Variants in SEPTIN4 observed in about 807,000 individuals in gnomAD.
SEPTIN4 encodes the protein septin 4.
In SEPTIN4, 52 loss-of-function variants were observed where a neutral mutation model predicts 107.1. The observed-to-expected ratio is 0.49, with a 90% CI of 0.39 to 0.61. The LOEUF (loss-of-function observed/expected upper bound fraction) is 0.61. Ranked by LOEUF, SEPTIN4 falls within the 20% of genes least tolerant of loss-of-function variation. The pLI, the probability that SEPTIN4 is intolerant of heterozygous loss-of-function variation, is 0.00. For synonymous variants in SEPTIN4, 417 were observed against 467.0 expected, an observed-to-expected ratio of 0.89 and a Z score of 1.38; for missense variants, 1,048 against 1,243.5, an observed-to-expected ratio of 0.84 and a Z score of 2.36.
At position 58,525,710 on chromosome 17, in the gene SEPTIN4, G is replaced by T; in HGVS notation, c.2077C>A (p.Leu693Ile). Reference protein sequence around the residue: ...FLTDLYRDRKLLGAEERIMQT... With the variant: ...FLTDLYRDRKILGAEERIMQT... ...CTTTCCTTACCTTCAGCACCAAGAA[G>T]TTTCCGGTCCCGGTACAGATCAGTG... The change falls in exon 6 of 14, where the codon CTT becomes ATT. Residue 693 changes from leucine to isoleucine, a missense_variant. This residue lies in a region of SEPTIN4 where 787 missense variants were observed against 871.8 expected (regional missense o/e 0.90). Transcript: ENST00000672673. 6.2e-7 allele frequency: 1 copy of T among 1,614,116 alleles called. No homozygotes were observed. Among genetic ancestry groups the T allele is most frequent in the Non-Finnish European group, 8.5e-7 (1 of 1,179,972 alleles).
chr17:58,531,924 C>T, intron 3 of SEPTIN4: 1 of 1,139,200 alleles, frequency 8.8e-7, no homozygotes, highest in Non-Finnish European at 1.1e-6. Context: ...GCACCCCAGC[C>T]CTGCCCCGCG....
At chr17:58,539,244 GA>G in intron 3 of SEPTIN4, 1 of 1,396,220 alleles carries the variant, frequency 7.2e-7, no homozygotes. Context: ...GCTATTTTAG[GA>G]AGGAGCCACC....
intron 2 of SEPTIN4, among the ~76,000 whole-genome samples, chr17:58,541,402 C>G (rs2043871722): frequency 6.6e-6 from 1 of 152,174 alleles, no homozygotes; most frequent in Non-Finnish European, 1.5e-5. Context: ...GATTCTAGAG[C>G]TGCAAGACAC....
chr17:58,526,800 G>C lies in SEPTIN4; in HGVS notation c.1793C>G (p.Pro598Arg). 3.7e-6 allele frequency: 6 copies of C among 1,613,730 alleles called. No homozygotes were observed. The highest frequency in any genetic ancestry group is 5.1e-6 in the Non-Finnish European group (6 of 1,179,898). ...GTCAGAGGACTGGGGCCGCGAGGGG[G>C]GTCTGAACTCCAGGTCATCATCATA... ...DLYDDDLEFR[P>R]PSRPQSSDNQ... The change falls in exon 4 of 14, where the codon CCC (proline) becomes CGC (arginine). Residue 598 changes from proline (P) to arginine (R), a missense_variant. By Grantham distance (103) the Pro-to-Arg change is moderately radical (BLOSUM62 -2). Transcript: ENST00000672673.
rs113227839 is a variant in SEPTIN4 at position 58,520,845 on chromosome 17, A to G, written c.2832-3T>C. The G allele has an allele frequency of 6.3e-6, 10 of 1,589,672 alleles. No individual in the cohort carries two copies. The African/African-American group carries it at 1.4e-4, about 23-fold the overall frequency. ...TACCACTTTCCCGAGTCAGTTTGCT[A>G]AAGGGAGAAAAGGGTTGATAAGGCG... On this transcript the variant is annotated splice_polypyrimidine_tract_variant and splice_region_variant and intron_variant, in intron 12 of 13. Transcript: ENST00000672673.
intron 3 of SEPTIN4, chr17:58,532,253 G>A (rs2043538140): frequency 2.1e-5 from 6 of 289,628 alleles, no homozygotes; most frequent in South Asian, 1.4e-4. Context: ...AGGACAGAGC[G>A]GGGAGCCTCA....
At chr17:58,526,169 C>T (rs1323174682) in intron 5 of SEPTIN4, 51 bp downstream of exon 5, 2 of 1,522,792 alleles carry the variant, frequency 1.3e-6, no homozygotes, top group Admixed American at 4.2e-5. Context: ...ACACACACAC[C>T]ATCCCCACCT....
At chr17:58,540,257 C>T (rs919538959) in intron 3 of SEPTIN4, among the ~76,000 whole-genome samples, 2 of 152,082 alleles carry the variant, frequency 1.3e-5, no homozygotes, top group Non-Finnish European at 2.9e-5. Flanking sequence ...CCCAAAAAAG[C>T]GACCCCTTTC....
chr17:58,535,558 C>CT (rs2043682485), intron 3 of SEPTIN4, among the ~76,000 whole-genome samples: 1 of 152,232 alleles, frequency 6.6e-6, no homozygotes, highest in Admixed American at 6.5e-5. Flanking sequence ...TTACCAAAGT[C>CT]TTCACTATAC....
intron 3 of SEPTIN4, chr17:58,528,107 C>G (rs144006300): frequency 1.1e-6 from 1 of 907,502 alleles, no homozygotes; most frequent in Non-Finnish European, 1.3e-6. Flanking sequence ...GGACAAGGGC[C>G]GGCTGCAGAG....
intron 6 of SEPTIN4, chr17:58,525,479 A>G (rs1180190701): frequency 1.1e-5 from 7 of 610,230 alleles, no homozygotes; most frequent in Non-Finnish European, 2.0e-5. Flanking sequence ...AGACTCATTC[A>G]GAGAGCAAGA....
At chr17:58,535,380 G>A (rs911604949) in intron 3 of SEPTIN4, among the ~76,000 whole-genome samples, 1 of 152,210 alleles carries the variant, frequency 6.6e-6, no homozygotes, top group Admixed American at 6.5e-5. Context: ...GAACAGGGCA[G>A]GGCCATAGGA....
At position 58,523,977 on chromosome 17, in the gene SEPTIN4, A is replaced by C. The variant is rs528352735; in HGVS notation, c.2216+1101T>G. ...CACTTTAAACTGTGAGGTGCCTGGC[A>C]AATGAAATTATTAGTATTATGGAAG... On this transcript the variant is annotated intron_variant, in intron 7 of 13. Transcript: ENST00000672673. 3.3e-5 allele frequency among the ~76,000 whole-genome samples: 5 copies of C among 152,306 alleles called. No individual in the cohort carries two copies. The East Asian group carries it at 9.6e-4, about 29-fold the overall frequency.
rs142117116 is a variant in SEPTIN4, at chr17:58,538,205, G to A, written c.1614+2461C>T. ...AGGCTTTGGATTTCGCTTTGTAAAG[G>A]AAGCCAACCTGAGCAAAATGTCCCT... On this transcript the variant is annotated intron_variant, in intron 3 of 13. Coordinates refer to ENST00000672673, the MANE Select transcript of SEPTIN4 (RefSeq NM_001368771.2). The surrounding 1 kb of genome is among the most constrained non-coding windows in gnomAD (Gnocchi z 4.7). 6.5e-4 allele frequency among the ~76,000 whole-genome samples: 99 copies of A among 152,326 alleles called. 1 individual carries two copies. The highest frequency in any genetic ancestry group is 2.3e-3 in the African/African-American group (94 of 41,574).
chr17:58,525,617 A>G (rs2042764621), intron 6 of SEPTIN4, 78 bp downstream of exon 6: 1 of 1,303,660 alleles, frequency 7.7e-7, no homozygotes, highest in Non-Finnish European at 1.1e-6. Context: ...CATGTGGGGG[A>G]GAGCCCCATC....
At position 58,521,651 on chromosome 17, in the gene SEPTIN4, C is replaced by A. The variant is rs368733757; in HGVS notation, c.2470-5G>T. ...ATGCTCAATCTCCTCCCGGATCTGACAAACAGATGAGGGGCCCACAGTTCT... is the reference window on the plus strand; with the variant it reads ...ATGCTCAATCTCCTCCCGGATCTGAAAAACAGATGAGGGGCCCACAGTTCT... On this transcript the variant is annotated splice_polypyrimidine_tract_variant and splice_region_variant and intron_variant, in intron 9 of 13. Transcript: ENST00000672673. The surrounding 1 kb of genome is among the most constrained non-coding windows in gnomAD (Gnocchi z 6.4). 6.2e-6 allele frequency: 10 copies of A among 1,614,182 alleles called. No homozygotes were observed. Among genetic ancestry groups the A allele is most frequent in the Non-Finnish European group, 8.5e-6 (10 of 1,180,010 alleles).
chr17:58,520,937 C>G, intron 12 of SEPTIN4, 61 bp downstream of exon 12: 1 of 1,611,788 alleles, frequency 6.2e-7, no homozygotes, highest in Non-Finnish European at 8.5e-7. Context: ...AGGGCTTGGT[C>G]TCACCCAAGG....
At chr17:58,527,471 G>C (rs533278996) in intron 3 of SEPTIN4, 7 of 277,720 alleles carry the variant, frequency 2.5e-5, no homozygotes, top group Non-Finnish European at 4.3e-5. Context: ...AAAGCTGACT[G>C]CATCAGGCAG....
Position 58,543,728 on chromosome 17 carries a change from G to A in SEPTIN4, c.459C>T (p.Ala153=), listed in dbSNP as rs1428042960. ...GAAAACTCAACTGATGAGTAGATTT[G>A]GCATCTGGGATTGATGAAGCATGAT... is the stretch of plus-strand genomic sequence containing the variant. ...VGHHASSIPD[A]KSTHQLSFQD... The change falls in exon 1 of 14, where the codon GCC becomes GCT. Residue 153 remains alanine, a synonymous_variant. Transcript: ENST00000672673. The A allele has an allele frequency of 2.5e-6, 4 of 1,614,060 alleles. No homozygotes were observed. The highest frequency in any genetic ancestry group is 1.7e-6 in the Non-Finnish European group (2 of 1,180,040).
Sources: allele counts gnomAD v4.1 joint callset (sites outside exome capture counted in the v4.1 genomes callset), GRCh38; gene constraint gnomAD v4.1.1; regional missense constraint gnomAD v4.1.1; non-coding constraint Gnocchi (gnomAD v3.1); transcripts MANE v1.5; gene names NCBI Gene and HGNC (gene_info 2026-07-23, HGNC 2026-07-21).